Variants in JAZF1 observed in about 807,000 individuals in gnomAD.
JAZF1 encodes juxtaposed with another zinc finger protein 1.
A neutral mutation model predicts 26.4 loss-of-function variants in JAZF1; 8 were observed. The ratio of observed to expected loss-of-function variants is 0.30; its 90% CI spans 0.18 to 0.55. The LOEUF is 0.55. Among genes scored for constraint, JAZF1 ranks in the 20% least tolerant of loss-of-function variants. The probability of loss-of-function intolerance (pLI) is 0.94; values close to 1 mark genes in which losing one functional copy is unlikely to be tolerated. For missense variants in JAZF1, 199 were observed against 322.0 expected, an observed-to-expected ratio of 0.62 and a Z score of 2.92; for synonymous variants, 126 against 122.3, an observed-to-expected ratio of 1.03 and a Z score of -0.20.
At chr7:28,165,862 T>G (rs1294291892) in intron 1 of JAZF1, among the ~76,000 whole-genome samples, 1 of 152,222 alleles carries the variant, frequency 6.6e-6, no homozygotes, top group African/African-American at 2.4e-5. Context: ...GTCTGCTTCT[T>G]CCATGAGCAT....
intron 4 of JAZF1, 175 bp from the exon 5 acceptor site, chr7:27,833,151 C>G: frequency 2.3e-6 from 1 of 440,838 alleles, no homozygotes; most frequent in South Asian, 5.2e-5. Context: ...CGGTCATGGG[C>G]TGTACGGATG....
At chr7:27,983,600 C>T (rs1006682902) in intron 2 of JAZF1, among the ~76,000 whole-genome samples, 31 of 152,074 alleles carry the variant, frequency 2.0e-4, no homozygotes, top group African/African-American at 5.3e-4. Context: ...ATACAGAGAA[C>T]GCCACAAAGA....
chr7:27,888,837 C>T (rs989898021), intron 3 of JAZF1, among the ~76,000 whole-genome samples: 2 of 151,776 alleles, frequency 1.3e-5, no homozygotes, highest in African/African-American at 2.4e-5. Flanking sequence ...CTTGAATTTT[C>T]CCCCCCAGAG....
chr7:27,886,087 T>C (rs1050538713), intron 3 of JAZF1, among the ~76,000 whole-genome samples: 12 of 152,322 alleles, frequency 7.9e-5, no homozygotes, highest in South Asian at 2.1e-4. Context: ...AGCGGGGATA[T>C]TCCTATGCTG....
At chr7:28,158,528 G>C (rs1000766699) in intron 1 of JAZF1, among the ~76,000 whole-genome samples, 9 of 152,172 alleles carry the variant, frequency 5.9e-5, no homozygotes, top group Non-Finnish European at 1.2e-4. Flanking sequence ...TCTGTTACTA[G>C]TAGCCAATGC....
At chr7:28,091,453 AT>A (rs929143950) in intron 1 of JAZF1, among the ~76,000 whole-genome samples, 54 of 151,286 alleles carry the variant, frequency 3.6e-4, no homozygotes, top group South Asian at 1.3e-3. Context: ...AATAGTTTAG[AT>A]TTTTTTTTAT....
chr7:27,839,707 C>T (rs1782884873), intron 4 of JAZF1, among the ~76,000 whole-genome samples: 1 of 152,188 alleles, frequency 6.6e-6, no homozygotes, highest in Non-Finnish European at 1.5e-5. Flanking sequence ...GAAATGCTAA[C>T]TTTGTGATAC....
At chr7:28,132,061 T>C (rs1782803386) in intron 1 of JAZF1, among the ~76,000 whole-genome samples, 1 of 152,240 alleles carries the variant, frequency 6.6e-6, no homozygotes, top group South Asian at 2.1e-4. Context: ...AAACATTTCC[T>C]ACTTGGAATT....
chr7:27,846,422 T>A, intron 3 of JAZF1: 1 of 390,778 alleles, frequency 2.6e-6, no homozygotes. Flanking sequence ...TATATACATA[T>A]ATACACACAG....
At chr7:27,855,295 C>G (rs759876734) in intron 3 of JAZF1, among the ~76,000 whole-genome samples, 28 of 151,978 alleles carry the variant, frequency 1.8e-4, no homozygotes, top group Non-Finnish European at 3.5e-4. Flanking sequence ...AAGTGACACC[C>G]TAACATCACA....
intron 1 of JAZF1, among the ~76,000 whole-genome samples, chr7:28,020,989 T>C (rs547073261): frequency 1.7e-3 from 257 of 152,274 alleles, no homozygotes; most frequent in African/African-American, 6.0e-3. Context: ...CCGGAGCTAC[T>C]CAGTAATGGA....
chr7:27,877,610 CAAGT>C (rs1193778927), intron 3 of JAZF1, among the ~76,000 whole-genome samples: 1 of 152,162 alleles, frequency 6.6e-6, no homozygotes, highest in Non-Finnish European at 1.5e-5. Flanking sequence ...GGTCAGCTGA[CAAGT>C]GGCCTCTGTG....
intron 1 of JAZF1, among the ~76,000 whole-genome samples, chr7:28,061,194 G>A (rs976553571): frequency 2.0e-5 from 3 of 152,176 alleles, no homozygotes; most frequent in African/African-American, 2.4e-5. Context: ...GCCATAGCCA[G>A]CATTCAAAAG....
At chr7:27,961,992 T>C (rs77333528) in intron 2 of JAZF1, among the ~76,000 whole-genome samples, 1,617 of 152,274 alleles carry the variant, frequency 0.011, 25 homozygotes, top group African/African-American at 0.036. Context: ...AGTAACCTTT[T>C]TGAGCTCTGT....
At chr7:28,116,876 T>G (rs1389218852) in intron 1 of JAZF1, among the ~76,000 whole-genome samples, 6 of 152,070 alleles carry the variant, frequency 3.9e-5, no homozygotes, top group Admixed American at 6.5e-5. Flanking sequence ...CAAGCTGGAA[T>G]GCAGTGGCGC....
chr7:27,831,604 A>G lies in JAZF1; in HGVS notation c.*1196T>C, dbSNP rs1384315688. On this transcript the variant is annotated 3_prime_UTR_variant, in exon 5 of 5. Coordinates refer to ENST00000283928, the MANE Select transcript of JAZF1 (RefSeq NM_175061.4). ...AAGCACTTAATTGTCAATAAGGCTC[A>G]TTTTCCTATTTCAGCAAAGTGTTTG... 4 of 225,716 alleles carry G rather than the reference A, an allele frequency of 1.8e-5. No individual in the cohort carries two copies. Among genetic ancestry groups the G allele is most frequent in the East Asian group, 6.4e-5 (1 of 15,598 alleles). The allele number at this position is 225,716 out of a possible 1,614,324, so 14.0% of individuals were successfully genotyped here.
At chr7:28,132,391 G>C (rs1254953586) in intron 1 of JAZF1, among the ~76,000 whole-genome samples, 1 of 152,184 alleles carries the variant, frequency 6.6e-6, no homozygotes, top group Non-Finnish European at 1.5e-5. Flanking sequence ...GAAGCTTAAA[G>C]ACTCGTGGGA....
At chr7:28,166,855 A>G (rs1163222130) in intron 1 of JAZF1, among the ~76,000 whole-genome samples, 1 of 152,192 alleles carries the variant, frequency 6.6e-6, no homozygotes, top group African/African-American at 2.4e-5. Context: ...CCAAAACTCT[A>G]CCAGGGAAAT....
At chr7:28,143,542 T>C (rs563325761) in intron 1 of JAZF1, among the ~76,000 whole-genome samples, 9 of 152,110 alleles carry the variant, frequency 5.9e-5, no homozygotes, top group Non-Finnish European at 1.2e-4. Flanking sequence ...GACTATACAG[T>C]CCCAGGTTTA....
Sources: gnomAD v4.1 joint callset for allele counts (sites outside exome capture counted in the v4.1 genomes callset) on GRCh38, gnomAD v4.1.1 for gene constraint, MANE v1.5 for transcripts, NCBI Gene and HGNC (gene_info 2026-07-23, HGNC 2026-07-21) for gene names.